NOTCH2: variants seen among roughly 807,000 people sequenced by gnomAD.
NOTCH2 encodes neurogenic locus notch homolog protein 2.
NOTCH2 carries 29 observed loss-of-function variants against 235.8 expected under a neutral mutation model. The ratio of observed to expected loss-of-function variants is 0.12; its 90% CI spans 0.09 to 0.17. The LOEUF (loss-of-function observed/expected upper bound fraction) is 0.17. NOTCH2 is among the 10% of genes least tolerant of loss of function. The pLI, the probability that NOTCH2 is intolerant of heterozygous loss-of-function variation, is 1.00. For missense variants in NOTCH2, 2,285 were observed against 3,150.2 expected, an observed-to-expected ratio of 0.73 and a Z score of 6.57; for synonymous variants, 1,086 against 1,141.5, an observed-to-expected ratio of 0.95 and a Z score of 0.98.
At chr1:119,978,806 C>A (rs1284421429) in intron 5 of NOTCH2, among the ~76,000 whole-genome samples, 1 of 152,172 alleles carries the variant, frequency 6.6e-6, no homozygotes, top group Non-Finnish European at 1.5e-5. Context: ...CTAGCTGCAG[C>A]CAGGTTGAGA....
chr1:119,953,783 T>A, intron 13 of NOTCH2, 95 bp from the exon 14 acceptor site: 1 of 1,065,896 alleles, frequency 9.4e-7, no homozygotes, highest in Non-Finnish European at 1.5e-6. Context: ...TGGGGTAAAC[T>A]GATCTCATTT....
chr1:119,979,937 T>TA (rs753995742), intron 5 of NOTCH2, among the ~76,000 whole-genome samples: 12 of 151,874 alleles, frequency 7.9e-5, no homozygotes, highest in South Asian at 2.1e-4. Context: ...CTTTAAAAAT[T>TA]AAAAAAAAGA....
At chr1:119,977,503 C>G (rs1225986416) in intron 5 of NOTCH2, among the ~76,000 whole-genome samples, 1 of 152,218 alleles carries the variant, frequency 6.6e-6, no homozygotes, top group African/African-American at 2.4e-5. Flanking sequence ...AGTCAGCCCT[C>G]TGCGGTAGAG....
chr1:119,946,929 C>T (rs1650275007), intron 17 of NOTCH2, among the ~76,000 whole-genome samples: 2 of 152,194 alleles, frequency 1.3e-5, no homozygotes, highest in Middle Eastern at 3.4e-3. Flanking sequence ...TCTAAACTAT[C>T]TAGAGGCTAA....
intron 6 of NOTCH2, among the ~76,000 whole-genome samples, 191 bp from the exon 7 acceptor site, chr1:119,968,423 G>A (rs922908963): frequency 6.6e-6 from 1 of 152,278 alleles, no homozygotes; most frequent in Non-Finnish European, 1.5e-5. Flanking sequence ...GCACCTAGAT[G>A]CAACCCTAGA....
chr1:119,955,020 C>T lies in NOTCH2; in HGVS notation c.2219+20G>A, dbSNP rs1553198229. The T allele has an allele frequency of 1.2e-6, 2 of 1,612,524 alleles. No individual in the cohort carries two copies. The highest frequency in any genetic ancestry group is 2.2e-5 in the South Asian group (2 of 90,982). On this transcript the variant is annotated intron_variant, in intron 13 of 33. Transcript: ENST00000256646. ...TTAACACAGGTCAATAAGAAACTAT[C>T]ACATGGGGCAGCTACTCACCCACTG...
Position 119,968,062 on chromosome 1 carries a change from G to A in NOTCH2, c.1264+15C>T, listed in dbSNP as rs1553199919. On this transcript the variant is annotated intron_variant, in intron 7 of 33. Coordinates refer to ENST00000256646, the MANE Select transcript of NOTCH2 (RefSeq NM_024408.4). ...ACAGACACTTCACAGAACAGAAAAA[G>A]TTCTGCTTACTCACCCATGGCACAT... The A allele has an allele frequency of 6.2e-7, 1 of 1,613,948 alleles. No individual in the cohort carries two copies. The highest frequency in any genetic ancestry group is 8.5e-7 in the Non-Finnish European group (1 of 1,179,872).
At position 119,918,477 on chromosome 1, in the gene NOTCH2, C is replaced by T. The variant is rs312262797; in HGVS notation, c.5858G>A (p.Arg1953His). The T allele has an allele frequency of 1.2e-6, 2 of 1,614,120 alleles. No homozygotes were observed. Among genetic ancestry groups the T allele is most frequent in the Non-Finnish European group, 1.7e-6 (2 of 1,180,010 alleles). ...DGTTPLILAA[R>H]LAVEGMVAEL... ...TGCCACCATTCCCTCCACAGCCAGG[C>T]GGGCAGCCAGGATCAGGGGTGTAGT... Residue 1953 changes from arginine (R) to histidine (H), a missense_variant, in exon 32 of 34, where the codon CGC (arginine) becomes CAC (histidine). Around this residue, in one of 6 missense-constraint regions of NOTCH2, gnomAD observed 128 missense variants for 255.9 expected, o/e 0.50. Transcript: ENST00000256646.
intron 5 of NOTCH2, among the ~76,000 whole-genome samples, chr1:119,975,100 A>G (rs1651520531): frequency 6.6e-6 from 1 of 152,220 alleles, no homozygotes; most frequent in Non-Finnish European, 1.5e-5. Context: ...CAGTGCTGAT[A>G]AAGACTTTGG....
At chr1:119,919,764 AC>A (rs1649206894) in intron 30 of NOTCH2, 151 bp from the exon 31 acceptor site, 2 of 770,816 alleles carry the variant, frequency 2.6e-6, no homozygotes, top group East Asian at 5.4e-5. Context: ...CACATTTGCC[AC>A]CTTTTCCTCT....
At chr1:120,045,909 G>A (rs1291248860) in intron 1 of NOTCH2, among the ~76,000 whole-genome samples, 1 of 152,238 alleles carries the variant, frequency 6.6e-6, no homozygotes, top group Non-Finnish European at 1.5e-5. Flanking sequence ...CCATCCACTG[G>A]GGCACTGGAA....
chr1:119,924,072 T>G, intron 25 of NOTCH2, 88 bp from the exon 26 acceptor site: 3 of 1,162,946 alleles, frequency 2.6e-6, no homozygotes, highest in Non-Finnish European at 3.8e-6. Context: ...ACTGTGGATT[T>G]TCCTACCCAT....
intron 2 of NOTCH2, among the ~76,000 whole-genome samples, chr1:120,011,042 T>A (rs1486384566): frequency 2.0e-5 from 3 of 152,208 alleles, no homozygotes; most frequent in Non-Finnish European, 4.4e-5. Flanking sequence ...ATAATTCCAT[T>A]TATATGAAAT....
Position 119,915,272 on chromosome 1 carries a change from G to A in NOTCH2, c.*34C>T. 6.2e-7 allele frequency: 1 copy of A among 1,607,062 alleles called. No homozygotes were observed. Reference sequence around the variant, plus strand: ...TTGTTCCTCAGCAGCATTTACAAAAGTCAGTTATGTCTCTACACTGGAGGT... The same window carrying A: ...TTGTTCCTCAGCAGCATTTACAAAAATCAGTTATGTCTCTACACTGGAGGT... On this transcript the variant is annotated 3_prime_UTR_variant, in exon 34 of 34. Coordinates refer to ENST00000256646, the MANE Select transcript of NOTCH2 (RefSeq NM_024408.4).
chr1:119,997,485 T>C (rs1477529038), intron 3 of NOTCH2, among the ~76,000 whole-genome samples, 153 bp from the exon 4 acceptor site: 4 of 152,062 alleles, frequency 2.6e-5, no homozygotes, highest in Admixed American at 2.6e-4. Flanking sequence ...CTCAAGGTAA[T>C]CTGACACAGA....
chr1:119,931,985 T>TATATATATATATATGTATATATAC (rs1553195174), intron 22 of NOTCH2, among the ~76,000 whole-genome samples: 16 of 142,076 alleles, frequency 1.1e-4, no homozygotes, highest in Non-Finnish European at 1.7e-4. Context: ...TATATGTGTG[T>TATATATATATATATGTATATATAC]ATATATATAT....
chr1:119,985,393 G>T (rs948558980), intron 5 of NOTCH2, among the ~76,000 whole-genome samples: 2 of 152,192 alleles, frequency 1.3e-5, no homozygotes, highest in Non-Finnish European at 2.9e-5. Flanking sequence ...CTAGCGAAAA[G>T]AGGCATTTAT....
intron 1 of NOTCH2, among the ~76,000 whole-genome samples, chr1:120,065,761 A>G (rs1400582126): frequency 6.6e-6 from 1 of 152,228 alleles, no homozygotes; most frequent in Non-Finnish European, 1.5e-5. Flanking sequence ...AGTCATTTGC[A>G]GAGAAAGGGG....
At chr1:120,029,379 C>A (rs1275612547) in intron 2 of NOTCH2, among the ~76,000 whole-genome samples, 2 of 151,822 alleles carry the variant, frequency 1.3e-5, no homozygotes, top group African/African-American at 4.8e-5. Context: ...GAGATGGAGT[C>A]TTGCTCTGTC....
Sources: gnomAD v4.1 joint callset for allele counts (sites outside exome capture counted in the v4.1 genomes callset) on GRCh38, gnomAD v4.1.1 for gene constraint, gnomAD v4.1.1 regional missense constraint, MANE v1.5 for transcripts, NCBI Gene and HGNC (gene_info 2026-07-23, HGNC 2026-07-21) for gene names.